Variants in RBP5 observed in about 807,000 individuals in gnomAD.
The protein encoded by RBP5 is retinol binding protein 5.
A neutral mutation model predicts 17.8 loss-of-function variants in RBP5; 12 were observed. That is an observed-to-expected ratio of 0.67 (90% CI 0.43 to 1.09). The LOEUF (loss-of-function observed/expected upper bound fraction) is 1.09. RBP5 is among the 50% of genes least tolerant of loss of function. RBP5 has a pLI of 0.00. For synonymous variants in RBP5, 64 were observed against 68.1 expected (o/e 0.94, Z 0.30); for missense variants, 172 against 169.4 (o/e 1.02, Z -0.09).
chr12:7,126,583 C>T (rs890006675), intron 2 of RBP5, among the ~76,000 whole-genome samples: 2 of 147,714 alleles, frequency 1.4e-5, no homozygotes, highest in Non-Finnish European at 3.0e-5. Context: ...GGTAAGGAAA[C>T]AAGAGATATT....
At position 7,124,637 on chromosome 12, in the gene RBP5, G is replaced by T; in HGVS notation, c.346C>A (p.Leu116Met). ...GWRHWLEGEM[L>M]YLELTARDAV... ...GCCCCCACCCCATTTACCAGATACA[G>T]CATCTCTCCCTCCAGCCAGTGTCTC... Residue 116 changes from leucine (L) to methionine (M), a missense_variant, in exon 3 of 4, where the codon CTG becomes ATG. Leu to Met is a conservative substitution (Grantham distance 15). Transcript: ENST00000266560. The surrounding 1 kb of genome is among the most constrained non-coding windows in gnomAD (Gnocchi z 5.3). 7 of 1,520,692 alleles carry T rather than the reference G, an allele frequency of 4.6e-6. No individual in the cohort carries two copies. Among genetic ancestry groups the T allele is most frequent in the South Asian group, 1.1e-5 (1 of 89,040 alleles). 94.2% of individuals were successfully genotyped at this position (1,520,692 alleles called of 1,614,324 possible).
At chr12:7,116,364 C>A (rs1939004701) in exon 4 of RBP5, 1 of 152,268 alleles carries the variant, frequency 6.6e-6, no homozygotes, top group Non-Finnish European at 1.5e-5. Flanking sequence ...GCTCTGTCCT[C>A]CACAGAACTT....
chr12:7,128,855 G>T lies in RBP5; in HGVS notation c.-80C>A. On this transcript the variant is annotated 5_prime_UTR_variant, in exon 1 of 4. Coordinates refer to ENST00000266560, the MANE Select transcript of RBP5 (RefSeq NM_031491.4). This position sits in a 1 kb window ranked among gnomAD's most constrained non-coding sequence, Gnocchi z 5.3. ...TGTTGTCTGGCAGGTGAGGCTGAGA[G>T]ATTCCAGCCAGCTCCACACACAGAG... The T allele has an allele frequency of 8.9e-7, 1 of 1,127,944 alleles. No homozygotes were observed. Among genetic ancestry groups the T allele is most frequent in the South Asian group, 1.3e-5 (1 of 75,254 alleles). The allele number at this position is 1,127,944 out of a possible 1,614,324, so 69.9% of individuals were successfully genotyped here.
intron 2 of RBP5, among the ~76,000 whole-genome samples, chr12:7,126,143 G>A (rs1222567337): frequency 2.6e-5 from 4 of 151,936 alleles, no homozygotes; most frequent in South Asian, 2.1e-4. Context: ...TTAGGGTGGT[G>A]ATAGAGAAAG....
chr12:7,127,047 C>T lies in RBP5; in HGVS notation c.252+1193G>A, dbSNP rs149556511. Among the ~76,000 whole-genome samples, 413 of 134,820 alleles carry T rather than the reference C, an allele frequency of 3.1e-3. 3 individuals carry two copies. The highest frequency in any genetic ancestry group is 0.011 in the African/African-American group (373 of 34,576). 88.4% of individuals were successfully genotyped at this position (134,820 alleles called of 152,430 possible). On this transcript the variant is annotated intron_variant, in intron 2 of 3. Coordinates refer to ENST00000266560, the MANE Select transcript of RBP5 (RefSeq NM_031491.4). The stretch of plus-strand genomic sequence containing the variant: ...CGCTCTTGTTGCCCAGGCTGGAGTG[C>T]AGTGGTGCGATCTTGGCTCACTGCA...
rs1427584644 is a variant in RBP5 at position 7,124,123 on chromosome 12, A to G, written c.406T>C (p.Ter136GlnextTer50). ...GAGGGATCTTGGCTCCTCTCCGGCT[A>G]TCTGACCTTCCTGAAGACCTGCTCG... Reference protein sequence around the residue: ...VCEQVFRKVR* With the variant: ...VCEQVFRKVRQ Residue 136 changes from the stop codon to glutamine (Q), a stop_lost, in exon 4 of 4, where the codon TAG becomes CAG. Coordinates refer to ENST00000266560, the MANE Select transcript of RBP5 (RefSeq NM_031491.4). This position sits in a 1 kb window ranked among gnomAD's most constrained non-coding sequence, Gnocchi z 5.3. 4 of 1,614,042 alleles carry G rather than the reference A, an allele frequency of 2.5e-6. No homozygotes were observed. Among genetic ancestry groups the G allele is most frequent in the Non-Finnish European group, 2.5e-6 (3 of 1,179,958 alleles).
chr12:7,124,734 T>C lies in RBP5; in HGVS notation c.253-4A>G, dbSNP rs372417235. On this transcript the variant is annotated splice_polypyrimidine_tract_variant and splice_region_variant and intron_variant, in intron 2 of 3. Transcript: ENST00000266560. The surrounding 1 kb of genome is among the most constrained non-coding windows in gnomAD (Gnocchi z 5.3). The stretch of plus-strand genomic sequence containing the variant: ...CCTCCTCCCAGGTTACTATGGTCTA[T>C]AGGGGAAAGAGGGAGTAAAGAAAGA... 3.4e-5 allele frequency: 54 copies of C among 1,571,358 alleles called. No homozygotes were observed. In the African/African-American group the frequency reaches 4.2e-4, roughly 12 times the overall value.
At chr12:7,116,509 G>A (rs1939007046) in exon 4 of RBP5, 1 of 152,272 alleles carries the variant, frequency 6.6e-6, no homozygotes, top group African/African-American at 2.4e-5. Context: ...AAGCCACAGA[G>A]TAAGGTCACA....
intron 2 of RBP5, chr12:7,127,844 G>C (rs775249847): frequency 1.6e-6 from 1 of 636,326 alleles, no homozygotes; most frequent in African/African-American, 1.8e-5. Flanking sequence ...AGGAGGACTA[G>C]GATCTGCAAA....
chr12:7,118,452 C>G (rs956577063), intron 3 of RBP5: 1 of 152,170 alleles, frequency 6.6e-6, no homozygotes, highest in African/African-American at 2.4e-5. Context: ...GTGCCTTTAG[C>G]TCTGCATTGT....
At chr12:7,116,305 G>C (rs1174690104) in exon 4 of RBP5, 1 of 152,244 alleles carries the variant, frequency 6.6e-6, no homozygotes, top group Non-Finnish European at 1.5e-5. Flanking sequence ...CTGCTGGTGT[G>C]TCTAGAACAC....
chr12:7,124,541 A>G lies in RBP5; in HGVS notation c.354+88T>C. 1.3e-6 allele frequency: 1 copy of G among 756,280 alleles called. No homozygotes were observed. Among genetic ancestry groups the G allele is most frequent in the Non-Finnish European group, 2.3e-6 (1 of 427,680 alleles). The allele number at this position is 756,280 out of a possible 1,614,324, so 46.8% of individuals were successfully genotyped here. ...ATAGGGATTGGGGCTGGGCTGGGGGAAGAGTGGTGGACCTATCTGGTTTGG... is the reference window on the plus strand; with the variant it reads ...ATAGGGATTGGGGCTGGGCTGGGGGGAGAGTGGTGGACCTATCTGGTTTGG... On this transcript the variant is annotated intron_variant, in intron 3 of 3. Transcript: ENST00000266560. This position sits in a 1 kb window ranked among gnomAD's most constrained non-coding sequence, Gnocchi z 5.3.
rs1939134787 is a variant in RBP5 at position 7,124,831 on chromosome 12, T to C, written c.253-101A>G. 2 of 707,062 alleles carry C rather than the reference T, an allele frequency of 2.8e-6. No homozygotes were observed. The highest frequency in any genetic ancestry group is 5.2e-6 in the Non-Finnish European group (2 of 386,760). The allele number at this position is 707,062 out of a possible 1,614,324, so 43.8% of individuals were successfully genotyped here. On this transcript the variant is annotated intron_variant, in intron 2 of 3. Transcript: ENST00000266560. This position sits in a 1 kb window ranked among gnomAD's most constrained non-coding sequence, Gnocchi z 5.3. ...GCTCCCCCTTTTACTCCACAGCAGA[T>C]ACTGTCTGCTGCAGCCCCTCCACTG...
At chr12:7,127,693 G>C (rs1481750615) in intron 2 of RBP5, 3 of 702,246 alleles carry the variant, frequency 4.3e-6, no homozygotes, top group African/African-American at 1.7e-5. Context: ...TCTGGCTGGA[G>C]AATTCATGCC....
At position 7,117,327 on chromosome 12, in the gene RBP5, C is replaced by T. The variant is rs952924319; in HGVS notation, n.890-20G>A. 1.3e-5 allele frequency: 2 copies of T among 152,210 alleles called. No homozygotes were observed. Among genetic ancestry groups the T allele is most frequent in the Non-Finnish European group, 2.9e-5 (2 of 68,048 alleles). The allele number at this position is 152,210 out of a possible 1,614,324, so 9.4% of individuals were successfully genotyped here. A position where few individuals can be genotyped will look rare whatever the true frequency, so the allele number is the denominator to read the frequency against. On this transcript the variant is annotated intron_variant and non_coding_transcript_variant, in intron 3 of 3. Transcript: ENST00000619522. This position sits in a 1 kb window ranked among gnomAD's most constrained non-coding sequence, Gnocchi z 4.9. ...GACAACCCGATGTGGAAGGAGACAT[C>T]ACAAGGACAGGAATACTGGGAAGCA...
rs780553659 is a variant in RBP5, at chr12:7,123,764, C to T, written c.*357G>A. 5.4e-4 allele frequency: 110 copies of T among 204,778 alleles called. 1 individual carries two copies. Among genetic ancestry groups the T allele is most frequent in the Admixed American group, 6.1e-4 (11 of 17,962 alleles). The allele number at this position is 204,778 out of a possible 1,614,324, so 12.7% of individuals were successfully genotyped here. On this transcript the variant is annotated 3_prime_UTR_variant, in exon 4 of 4. Coordinates refer to ENST00000266560, the MANE Select transcript of RBP5 (RefSeq NM_031491.4). ...CCATCAGGATAGAATTTTCACTAATCGCCAAATGCCCAAAGCTTAGTTCTT... is the reference window on the plus strand; with the variant it reads ...CCATCAGGATAGAATTTTCACTAATTGCCAAATGCCCAAAGCTTAGTTCTT...
At chr12:7,125,378 A>G (rs1939144140) in intron 2 of RBP5, among the ~76,000 whole-genome samples, 4 of 152,166 alleles carry the variant, frequency 2.6e-5, no homozygotes. Context: ...TTTTGAGAAA[A>G]AAGAGAGATT....
At chr12:7,118,437 G>C (rs750694756) in intron 3 of RBP5, 2 of 152,124 alleles carry the variant, frequency 1.3e-5, no homozygotes, top group South Asian at 2.1e-4. Context: ...ACGACTCCTC[G>C]AGCGGTGCCT....
chr12:7,128,173 GC>G lies in RBP5; in HGVS notation c.252+66del. The G allele has an allele frequency of 3.5e-6, 5 of 1,434,882 alleles. No individual in the cohort carries two copies. The highest frequency in any genetic ancestry group is 3.8e-6 in the Non-Finnish European group (4 of 1,052,060). The allele number at this position is 1,434,882 out of a possible 1,614,324, so 88.9% of individuals were successfully genotyped here. ...TGGCTGGGGAAGGTCACTTTGTTTTGCCCCATGTTGTTAGGAGTCTCCTGTG... is the reference window on the plus strand; with the variant it reads ...TGGCTGGGGAAGGTCACTTTGTTTTGCCCATGTTGTTAGGAGTCTCCTGTG... On this transcript the variant is annotated intron_variant, in intron 2 of 3. Coordinates refer to ENST00000266560, the MANE Select transcript of RBP5 (RefSeq NM_031491.4). The surrounding 1 kb of genome is among the most constrained non-coding windows in gnomAD (Gnocchi z 5.3).
Sources: gnomAD v4.1 joint callset for allele counts (sites outside exome capture counted in the v4.1 genomes callset) on GRCh38, gnomAD v4.1.1 for gene constraint, Gnocchi (gnomAD v3.1) non-coding constraint, MANE v1.5 for transcripts, NCBI Gene and HGNC (gene_info 2026-07-23, HGNC 2026-07-21) for gene names.